The following N4BP2 variants were observed in gnomAD, a reference collection of about 807,000 sequenced individuals.
N4BP2 encodes the protein NEDD4-binding protein 2.
Under a neutral mutation model 152.8 loss-of-function variants are expected in N4BP2, and 91 were observed. The ratio of observed to expected loss-of-function variants is 0.60; its 90% CI spans 0.50 to 0.71. N4BP2 has a LOEUF of 0.71. Among genes scored for constraint, N4BP2 ranks in the 30% least tolerant of loss-of-function variants. N4BP2 has a pLI of 0.00. For missense variants in N4BP2, 1,923 were observed against 2,059.1 expected, an observed-to-expected ratio of 0.93 and a Z score of 1.28; for synonymous variants, 646 against 705.3, an observed-to-expected ratio of 0.92 and a Z score of 1.33.
intron 2 of N4BP2, among the ~76,000 whole-genome samples, chr4:40,080,307 G>A (rs1053624975): frequency 9.3e-6 from 1 of 107,550 alleles, no homozygotes; most frequent in African/African-American, 3.1e-5. Flanking sequence ...GATAGTGTGA[G>A]CTGTATATAT....
chr4:40,128,448 A>T (rs1718620579), intron 12 of N4BP2, among the ~76,000 whole-genome samples: 1 of 152,164 alleles, frequency 6.6e-6, no homozygotes, highest in Non-Finnish European at 1.5e-5. Flanking sequence ...TAACCTCTTC[A>T]GTAGATCTTA....
At chr4:40,141,161 G>A (rs1242576564) in intron 14 of N4BP2, among the ~76,000 whole-genome samples, 1 of 151,962 alleles carries the variant, frequency 6.6e-6, no homozygotes, top group Non-Finnish European at 1.5e-5. Context: ...TCCCAGTAGG[G>A]GCAGCCGGGC....
chr4:40,140,871 A>T (rs1477745027), intron 14 of N4BP2, among the ~76,000 whole-genome samples: 2 of 150,646 alleles, frequency 1.3e-5, no homozygotes, highest in African/African-American at 2.4e-5. Flanking sequence ...CCCTGAGTGG[A>T]CACAGCACAT....
At chr4:40,173,121 G>A in the N4BP2 span, among the ~76,000 whole-genome samples, 1 of 152,016 alleles carries the variant, frequency 6.6e-6, no homozygotes, top group Non-Finnish European at 1.5e-5. Context: ...ATCACCATCA[G>A]TAGAGGACAT....
intron 2 of N4BP2, among the ~76,000 whole-genome samples, chr4:40,078,135 G>A (rs953270013): frequency 8.0e-4 from 121 of 151,942 alleles, no homozygotes; most frequent in African/African-American, 2.6e-3. Context: ...GTGTGTGTGT[G>A]TGTGTGTGTG....
intron 5 of N4BP2, among the ~76,000 whole-genome samples, 192 bp downstream of exon 5, chr4:40,107,216 A>G (rs1716390827): frequency 6.6e-6 from 1 of 151,952 alleles, no homozygotes; most frequent in South Asian, 2.1e-4. Flanking sequence ...CTCCCACCTT[A>G]GCCTCCCAAG....
chr4:40,181,353 C>T, the N4BP2 span, among the ~76,000 whole-genome samples: 2 of 152,134 alleles, frequency 1.3e-5, no homozygotes, highest in African/African-American at 4.8e-5. Flanking sequence ...CTGTTGTCAT[C>T]CCTTCTTCTC....
At chr4:40,144,337 T>G (rs1438566019) in intron 15 of N4BP2, among the ~76,000 whole-genome samples, 1 of 152,204 alleles carries the variant, frequency 6.6e-6, no homozygotes, top group East Asian at 1.9e-4. Context: ...AATTGATACC[T>G]AAAATTAACT....
chr4:40,189,449 C>T, the N4BP2 span, among the ~76,000 whole-genome samples: 1 of 152,076 alleles, frequency 6.6e-6, no homozygotes, highest in Non-Finnish European at 1.5e-5. This position sits in a 1 kb window ranked among gnomAD's most constrained non-coding sequence, Gnocchi z 4.3. Context: ...ACCAACTTGG[C>T]CCCCGAGTAA....
intron 5 of N4BP2, among the ~76,000 whole-genome samples, chr4:40,109,177 G>A (rs901946480): frequency 6.6e-6 from 1 of 152,088 alleles, no homozygotes; most frequent in African/African-American, 2.4e-5. Context: ...TTCAGACATT[G>A]TTAAATTTTT....
intron 16 of N4BP2, among the ~76,000 whole-genome samples, chr4:40,151,679 A>G (rs1308878275): frequency 1.3e-5 from 2 of 152,256 alleles, no homozygotes; most frequent in South Asian, 2.1e-4. Flanking sequence ...GTTTTACACT[A>G]TATACCTAGA....
intron 2 of N4BP2, among the ~76,000 whole-genome samples, chr4:40,077,654 A>G (rs1712895159): frequency 6.6e-6 from 1 of 151,876 alleles, no homozygotes; most frequent in South Asian, 2.1e-4. Context: ...GGGTTTCACT[A>G]TGTTGACCAG....
At chr4:40,170,147 A>G in the N4BP2 span, among the ~76,000 whole-genome samples, 4 of 152,164 alleles carry the variant, frequency 2.6e-5, no homozygotes, top group Non-Finnish European at 5.9e-5. Context: ...AATTGTGTCT[A>G]TAATTTTCAT....
chr4:40,065,162 A>T (rs1733947622), intron 1 of N4BP2, among the ~76,000 whole-genome samples: 1 of 152,160 alleles, frequency 6.6e-6, no homozygotes, highest in Non-Finnish European at 1.5e-5. Flanking sequence ...GTACAGGTGG[A>T]TTAGAGTGGA....
At chr4:40,189,897 A>AACACACACACACACACAGACACATAC in the N4BP2 span, among the ~76,000 whole-genome samples, 1 of 146,354 alleles carries the variant, frequency 6.8e-6, no homozygotes. The surrounding 1 kb of genome is among the most constrained non-coding windows in gnomAD (Gnocchi z 4.3). Flanking sequence ...GTCTGTCTCA[A>AACACACACACACACACAGACACATAC]ACACACACAC....
intron 2 of N4BP2, among the ~76,000 whole-genome samples, chr4:40,076,550 G>A (rs1285602601): frequency 6.6e-6 from 1 of 152,032 alleles, no homozygotes; most frequent in South Asian, 2.1e-4. Flanking sequence ...GCGCAGTGGC[G>A]CCATCTCGGC....
At chr4:40,129,151 C>T (rs1041093232) in intron 12 of N4BP2, among the ~76,000 whole-genome samples, 1 of 151,942 alleles carries the variant, frequency 6.6e-6, no homozygotes, top group Admixed American at 6.6e-5. Context: ...TGGGCTCAAG[C>T]CATCCTCCCA....
rs371694925 is a variant in N4BP2, at chr4:40,084,322, T to C, written c.-115+10771T>C. On this transcript the variant is annotated intron_variant, in intron 2 of 17. Transcript: ENST00000261435. ...ACGGAAAGAATAGGCAAAAATGACT[T>C]AGTTTTTGGCTTCAACAAGTAGAAA... Among the ~76,000 whole-genome samples, 48 of 152,248 alleles carry C rather than the reference T, an allele frequency of 3.2e-4. 1 individual carries two copies. The South Asian group carries it at 9.7e-3, about 31-fold the overall frequency.
Position 40,097,433 on chromosome 4 carries a change from G to A in N4BP2, c.93G>A (p.Glu31=), listed in dbSNP as rs749545039. ...TCGTATCCAGTGTTGCTAGTCGTGAGGAGCCAACCACTACTCTACCTTCCA... is the reference window on the plus strand; with the variant it reads ...TCGTATCCAGTGTTGCTAGTCGTGAAGAGCCAACCACTACTCTACCTTCCA... ...EVVVSSVASR[E]EPTTTLPSMG... The change falls in exon 3 of 18, where the codon GAG becomes GAA. Residue 31 remains glutamate, a synonymous_variant. Coordinates refer to ENST00000261435, the MANE Select transcript of N4BP2 (RefSeq NM_018177.6). 5.0e-6 allele frequency: 8 copies of A among 1,613,998 alleles called. No individual in the cohort carries two copies. In the African/African-American group the frequency reaches 1.1e-4, roughly 22 times the overall value.
Sources: allele counts gnomAD v4.1 joint callset (sites outside exome capture counted in the v4.1 genomes callset), GRCh38; gene constraint gnomAD v4.1.1; non-coding constraint Gnocchi (gnomAD v3.1); transcripts MANE v1.5; gene names NCBI Gene and HGNC (gene_info 2026-07-23, HGNC 2026-07-21).